The following DRC11 variants were observed in gnomAD, a reference collection of about 807,000 sequenced individuals.
The protein encoded by DRC11 is IQ and AAA domain-containing protein 1.
chr2:236,309,988 C>T, the DRC11 span, among the ~76,000 whole-genome samples: 1 of 152,240 alleles, frequency 6.6e-6, no homozygotes, highest in African/African-American at 2.4e-5. This position sits in a 1 kb window ranked among gnomAD's most constrained non-coding sequence, Gnocchi z 5.7. Context: ...GGCAAGCTCT[C>T]TGGTGCTGCC....
chr2:236,449,631 T>C, the DRC11 span, among the ~76,000 whole-genome samples: 1 of 152,208 alleles, frequency 6.6e-6, no homozygotes, highest in Non-Finnish European at 1.5e-5. The surrounding 1 kb of genome is among the most constrained non-coding windows in gnomAD (Gnocchi z 5.1). Flanking sequence ...CTCTATTCAA[T>C]TCATGTCAGT....
chr2:236,447,779 A>G, the DRC11 span, among the ~76,000 whole-genome samples: 1 of 144,784 alleles, frequency 6.9e-6, no homozygotes, highest in Admixed American at 7.5e-5. The surrounding 1 kb of genome is among the most constrained non-coding windows in gnomAD (Gnocchi z 4.6). Flanking sequence ...GATGAGTTCC[A>G]TTTTCTGCAT....
At chr2:236,312,341 T>C in the DRC11 span, among the ~76,000 whole-genome samples, 4 of 149,308 alleles carry the variant, frequency 2.7e-5, no homozygotes, top group Admixed American at 6.6e-5. Flanking sequence ...GTGTACATCA[T>C]AGTTCTTAAA....
At chr2:236,318,466 G>A in the DRC11 span, among the ~76,000 whole-genome samples, 2 of 152,066 alleles carry the variant, frequency 1.3e-5, no homozygotes, top group Non-Finnish European at 2.9e-5. This position sits in a 1 kb window ranked among gnomAD's most constrained non-coding sequence, Gnocchi z 7.0. Flanking sequence ...GTGTTGATGT[G>A]TTTGCATGTG....
At chr2:236,473,591 T>C in the DRC11 span, among the ~76,000 whole-genome samples, 27 of 152,188 alleles carry the variant, frequency 1.8e-4, no homozygotes, top group African/African-American at 6.0e-4. The surrounding 1 kb of genome is among the most constrained non-coding windows in gnomAD (Gnocchi z 4.8). Context: ...AAATATATGA[T>C]GGTCATGACT....
chr2:236,368,326 C>A, the DRC11 span: 1 of 1,409,654 alleles, frequency 7.1e-7, no homozygotes, highest in African/African-American at 1.4e-5. Flanking sequence ...AACAGAGGAA[C>A]AATAAATGGA....
At chr2:236,346,916 G>C in the DRC11 span, among the ~76,000 whole-genome samples, 1 of 152,284 alleles carries the variant, frequency 6.6e-6, no homozygotes, top group East Asian at 1.9e-4. Context: ...GACCTTCTAG[G>C]GACATTCGAC....
the DRC11 span, among the ~76,000 whole-genome samples, chr2:236,321,168 T>A: frequency 9.1e-4 from 139 of 152,328 alleles, 1 homozygote; most frequent in East Asian, 9.4e-3. Flanking sequence ...TTATTTATTT[T>A]TTTTTGGTAT....
chr2:236,489,275 C>A, the DRC11 span, among the ~76,000 whole-genome samples: 2 of 116,692 alleles, frequency 1.7e-5, no homozygotes, highest in Admixed American at 9.7e-5. Flanking sequence ...TGGGTGCATA[C>A]TGGGGCCTGT....
the DRC11 span, among the ~76,000 whole-genome samples, chr2:236,339,765 C>G: frequency 6.6e-6 from 1 of 152,194 alleles, no homozygotes; most frequent in Admixed American, 6.5e-5. Flanking sequence ...ATCTATGTCT[C>G]TTCTTAGGCA....
At chr2:236,470,736 G>A in the DRC11 span, among the ~76,000 whole-genome samples, 2 of 152,138 alleles carry the variant, frequency 1.3e-5, no homozygotes, top group Non-Finnish European at 2.9e-5. The surrounding 1 kb of genome is among the most constrained non-coding windows in gnomAD (Gnocchi z 5.1). Flanking sequence ...AGATAGTACA[G>A]ATAGCTAGAG....
the DRC11 span, among the ~76,000 whole-genome samples, chr2:236,434,007 G>GCTAT: frequency 6.6e-6 from 1 of 152,234 alleles, no homozygotes; most frequent in Non-Finnish European, 1.5e-5. The surrounding 1 kb of genome is among the most constrained non-coding windows in gnomAD (Gnocchi z 5.5). Context: ...AGCCTCCATA[G>GCTAT]TGAGGAGCTT....
chr2:236,311,658 G>A, the DRC11 span, among the ~76,000 whole-genome samples: 2 of 151,960 alleles, frequency 1.3e-5, no homozygotes, highest in African/African-American at 2.4e-5. The surrounding 1 kb of genome is among the most constrained non-coding windows in gnomAD (Gnocchi z 6.9). Flanking sequence ...AAACAGCCAG[G>A]ACAGGCAGCA....
chr2:236,458,639 G>A, the DRC11 span, among the ~76,000 whole-genome samples: 1 of 152,170 alleles, frequency 6.6e-6, no homozygotes, highest in East Asian at 1.9e-4. Flanking sequence ...GGTGCTCCCA[G>A]CCAGCAAGGG....
At chr2:236,469,679 G>A in the DRC11 span, among the ~76,000 whole-genome samples, 1 of 152,180 alleles carries the variant, frequency 6.6e-6, no homozygotes, top group Admixed American at 6.6e-5. The surrounding 1 kb of genome is among the most constrained non-coding windows in gnomAD (Gnocchi z 5.8). Flanking sequence ...TTCTCCGGTT[G>A]CTTTTGAATT....
the DRC11 span, among the ~76,000 whole-genome samples, chr2:236,372,489 G>C: frequency 2.0e-5 from 3 of 152,112 alleles, no homozygotes; most frequent in African/African-American, 7.2e-5. The surrounding 1 kb of genome is among the most constrained non-coding windows in gnomAD (Gnocchi z 4.5). Flanking sequence ...AGTCAGATTT[G>C]CTTCAGCCTC....
At chr2:236,493,352 CT>C in the DRC11 span, among the ~76,000 whole-genome samples, 2 of 152,140 alleles carry the variant, frequency 1.3e-5, no homozygotes, top group African/African-American at 4.8e-5. Flanking sequence ...TCTACTCAAC[CT>C]GCAATTATAA....
chr2:236,495,369 A>G, the DRC11 span, among the ~76,000 whole-genome samples: 1 of 152,216 alleles, frequency 6.6e-6, no homozygotes, highest in African/African-American at 2.4e-5. The surrounding 1 kb of genome is among the most constrained non-coding windows in gnomAD (Gnocchi z 5.6). Flanking sequence ...TAGGATTTTG[A>G]GGATGAGAAA....
At chr2:236,422,540 T>C in the DRC11 span, among the ~76,000 whole-genome samples, 1 of 151,980 alleles carries the variant, frequency 6.6e-6, no homozygotes, top group Admixed American at 6.6e-5. Context: ...CACTGCTCAA[T>C]GAAATAAAAG....
Sources: allele counts gnomAD v4.1 joint callset (sites outside exome capture counted in the v4.1 genomes callset), GRCh38; gene constraint gnomAD v4.1.1; non-coding constraint Gnocchi (gnomAD v3.1); transcripts MANE v1.5; gene names NCBI Gene and HGNC (gene_info 2026-07-23, HGNC 2026-07-21).